Variants in GCNT1 observed in about 807,000 individuals in gnomAD.
GCNT1 encodes glucosaminyl (N-acetyl) transferase 1.
GCNT1 carries 16 observed loss-of-function variants against 26.2 expected under a neutral mutation model. The observed-to-expected ratio is 0.61, with a 90% CI of 0.41 to 0.93. GCNT1 has a LOEUF of 0.93. GCNT1 is among the 40% of genes least tolerant of loss of function. The pLI, the probability that GCNT1 is intolerant of heterozygous loss-of-function variation, is 0.00. For synonymous variants in GCNT1, 183 were observed against 190.8 expected (o/e 0.96, Z 0.34); for missense variants, 477 against 526.7 (o/e 0.91, Z 0.92).
chr9:76,409,138 CTT>C, the GCNT1 span, among the ~76,000 whole-genome samples: 1 of 152,100 alleles, frequency 6.6e-6, no homozygotes, highest in Non-Finnish European at 1.5e-5. Flanking sequence ...TAAATATAGA[CTT>C]ATTCAGAATG....
At chr9:76,483,046 T>A (rs1016194582) in intron 2 of GCNT1, among the ~76,000 whole-genome samples, 1 of 152,110 alleles carries the variant, frequency 6.6e-6, no homozygotes, top group African/African-American at 2.4e-5. Flanking sequence ...AAATGATACA[T>A]GTGTCTAATA....
intron 2 of GCNT1, among the ~76,000 whole-genome samples, chr9:76,486,612 T>C (rs1388823340): frequency 6.6e-6 from 1 of 152,230 alleles, no homozygotes; most frequent in Non-Finnish European, 1.5e-5. Context: ...AATTTTCAAA[T>C]TTTTGATGCT....
chr9:76,502,177 CTG>C (rs200183737), intron 3 of GCNT1, 60 bp from the exon 4 acceptor site: 1,500 of 115,276 alleles, frequency 0.013, 6 homozygotes, highest in Middle Eastern at 0.036. Context: ...CTCTCTCTCT[CTG>C]TATATATATA....
At chr9:76,459,725 T>C (rs1823831126) in intron 1 of GCNT1, among the ~76,000 whole-genome samples, 1 of 152,174 alleles carries the variant, frequency 6.6e-6, no homozygotes, top group Admixed American at 6.5e-5. Flanking sequence ...AGATGCATTT[T>C]CACCCCTACT....
chr9:76,456,533 A>C (rs1429217210), upstream of GCNT1, among the ~76,000 whole-genome samples: 1 of 152,208 alleles, frequency 6.6e-6, no homozygotes, highest in African/African-American at 2.4e-5. Flanking sequence ...TTGCCTTGCC[A>C]ATCTTCATGA....
At chr9:76,497,908 T>C (rs72747379) in intron 2 of GCNT1, among the ~76,000 whole-genome samples, 12,538 of 152,240 alleles carry the variant, frequency 0.082, 569 homozygotes, top group Middle Eastern at 0.17. Flanking sequence ...AAACAATATG[T>C]TCACAAAGTT....
intron 2 of GCNT1, among the ~76,000 whole-genome samples, chr9:76,479,431 G>T (rs1359191222): frequency 1.3e-5 from 2 of 152,116 alleles, no homozygotes; most frequent in African/African-American, 4.8e-5. Flanking sequence ...CTGAGGAATC[G>T]CCACACTGTC....
At chr9:76,452,749 C>T (rs1011369079) in intron 1 of GCNT1, among the ~76,000 whole-genome samples, 1 of 152,162 alleles carries the variant, frequency 6.6e-6, no homozygotes, top group Non-Finnish European at 1.5e-5. Flanking sequence ...ACTTCCACAA[C>T]TGGGGACTAC....
At chr9:76,432,960 T>G (rs1409952478) in intron 1 of GCNT1, among the ~76,000 whole-genome samples, 2 of 152,156 alleles carry the variant, frequency 1.3e-5, no homozygotes, top group Admixed American at 1.3e-4. Context: ...CCAATTAGCA[T>G]GCACTCCTGC....
At chr9:76,490,875 C>T (rs1244967563) in intron 2 of GCNT1, among the ~76,000 whole-genome samples, 1 of 152,258 alleles carries the variant, frequency 6.6e-6, no homozygotes, top group Non-Finnish European at 1.5e-5. Flanking sequence ...TTTAGATCCC[C>T]TGTAAGGAAA....
intron 1 of GCNT1, among the ~76,000 whole-genome samples, chr9:76,425,149 A>G (rs865832568): frequency 6.6e-6 from 1 of 151,680 alleles, no homozygotes; most frequent in Admixed American, 6.6e-5. Flanking sequence ...AAAAAAAAAA[A>G]AAAAAAAAAA....
At chr9:76,476,676 CTG>C (rs1283274501) in intron 2 of GCNT1, among the ~76,000 whole-genome samples, 2 of 152,150 alleles carry the variant, frequency 1.3e-5, no homozygotes, top group Admixed American at 1.3e-4. Flanking sequence ...CCATGTAAAA[CTG>C]TGTTTCGCTG....
At chr9:76,405,288 AACACAC>A in the GCNT1 span, among the ~76,000 whole-genome samples, 28,877 of 149,680 alleles carry the variant, frequency 0.19, 3,256 homozygotes, top group Non-Finnish European at 0.26. Flanking sequence ...CCTGACCTTC[AACACAC>A]ACACACACAC....
the GCNT1 span, among the ~76,000 whole-genome samples, chr9:76,408,793 T>G: frequency 9.2e-5 from 14 of 152,126 alleles, no homozygotes; most frequent in Non-Finnish European, 1.3e-4. Flanking sequence ...GTTCAAGCAA[T>G]TCTCCTGCCT....
chr9:76,394,148 G>C, the GCNT1 span: 1 of 1,608,848 alleles, frequency 6.2e-7, no homozygotes, highest in Non-Finnish European at 8.5e-7. Flanking sequence ...CTTGACCCCG[G>C]CAGAAGTAAG....
At chr9:76,418,347 T>C (rs1216147481), upstream of GCNT1, among the ~76,000 whole-genome samples, 1 of 152,208 alleles carries the variant, frequency 6.6e-6, no homozygotes, top group African/African-American at 2.4e-5. Context: ...ACTTAAAGTC[T>C]GTGTTGATTG....
intron 2 of GCNT1, among the ~76,000 whole-genome samples, chr9:76,482,830 T>TTG (rs1554736727): frequency 6.7e-6 from 1 of 148,808 alleles, no homozygotes. Context: ...TTTTTTTTTT[T>TTG]GGTAGAGATG....
chr9:76,500,276 A>G (rs1027885724), intron 2 of GCNT1, among the ~76,000 whole-genome samples: 7 of 152,072 alleles, frequency 4.6e-5, no homozygotes, highest in African/African-American at 1.7e-4. Context: ...TAAAGTTTAT[A>G]TTCTTTGTTA....
chr9:76,447,378 C>A (rs929678388), intron 1 of GCNT1, among the ~76,000 whole-genome samples: 12 of 151,620 alleles, frequency 7.9e-5, no homozygotes, highest in African/African-American at 2.9e-4. Context: ...TAGCTGGGAC[C>A]ATAGGTGTGC....
Sources: allele counts gnomAD v4.1 joint callset (sites outside exome capture counted in the v4.1 genomes callset), GRCh38; gene constraint gnomAD v4.1.1; transcripts MANE v1.5; gene names NCBI Gene and HGNC (gene_info 2026-07-23, HGNC 2026-07-21).